Variants in MCM9 observed in about 807,000 individuals in gnomAD.
MCM9 encodes the protein DNA helicase MCM9.
MCM9 carries 55 observed loss-of-function variants against 72.8 expected under a neutral mutation model. The observed-to-expected ratio is 0.76, with a 90% CI of 0.61 to 0.95. The LOEUF (loss-of-function observed/expected upper bound fraction) is 0.95. MCM9 is among the 40% of genes least tolerant of loss of function. The pLI, the probability that MCM9 is intolerant of heterozygous loss-of-function variation, is 0.00. For missense variants in MCM9, 1,279 were observed against 1,377.0 expected, an observed-to-expected ratio of 0.93 and a Z score of 1.13; for synonymous variants, 480 against 503.4, an observed-to-expected ratio of 0.95 and a Z score of 0.62.
intron 8 of MCM9, among the ~76,000 whole-genome samples, chr6:118,895,077 G>C (rs1327664629): frequency 6.6e-6 from 1 of 152,114 alleles, no homozygotes. Context: ...TGGAGTCGCC[G>C]CACTCTCCGG....
At position 118,816,258 on chromosome 6, in the gene MCM9, C is replaced by T. The variant is rs1773401014; in HGVS notation, c.1998G>A (p.Arg666=). Residue 666 remains arginine (R), a synonymous_variant, in exon 14 of 14, where the codon CGG becomes CGA. Transcript: ENST00000619706. ...QNQSVHQSQP[R]VLEVETTPGS... The stretch of plus-strand genomic sequence containing the variant: ...CTGGAGTAGTCTCTACCTCCAATAC[C>T]CGTGGTTGGGATTGGTGCACACTCT... The T allele has an allele frequency of 6.5e-7, 1 of 1,548,692 alleles. No individual in the cohort carries two copies. The highest frequency in any genetic ancestry group is 1.4e-5 in the African/African-American group (1 of 73,102).
intron 8 of MCM9, among the ~76,000 whole-genome samples, chr6:118,907,104 TGAG>T (rs1250812472): frequency 2.0e-5 from 3 of 152,210 alleles, no homozygotes; most frequent in Admixed American, 6.5e-5. Flanking sequence ...TTTTCAAAAA[TGAG>T]GAGATTCTTT....
intron 8 of MCM9, among the ~76,000 whole-genome samples, chr6:118,858,483 A>G (rs1259007354): frequency 1.3e-5 from 2 of 152,180 alleles, no homozygotes; most frequent in African/African-American, 2.4e-5. Flanking sequence ...ATCACTGTTA[A>G]TCAAAATCAT....
intron 13 of MCM9, among the ~76,000 whole-genome samples, chr6:118,823,607 C>T (rs953933153): frequency 6.6e-6 from 1 of 152,160 alleles, no homozygotes; most frequent in Non-Finnish European, 1.5e-5. Flanking sequence ...GGATGACTTC[C>T]TAATAAGGAT....
chr6:118,853,529 T>C (rs1776361208), intron 9 of MCM9, among the ~76,000 whole-genome samples: 1 of 152,040 alleles, frequency 6.6e-6, no homozygotes, highest in East Asian at 1.9e-4. Context: ...GGGCTGGGCA[T>C]GGTGGCTCAT....
intron 8 of MCM9, among the ~76,000 whole-genome samples, chr6:118,897,008 T>C (rs1286313964): frequency 6.6e-6 from 1 of 152,098 alleles, no homozygotes; most frequent in Non-Finnish European, 1.5e-5. Context: ...TGGGCTAATT[T>C]TTTAATTTTT....
intron 13 of MCM9, among the ~76,000 whole-genome samples, chr6:118,823,146 C>G (rs1004415398): frequency 6.6e-6 from 1 of 152,080 alleles, no homozygotes; most frequent in Non-Finnish European, 1.5e-5. Flanking sequence ...CCAGGTGCCA[C>G]TGGGGTATGA....
At chr6:118,834,732 C>G (rs1774835914) in intron 9 of MCM9, among the ~76,000 whole-genome samples, 2 of 150,032 alleles carry the variant, frequency 1.3e-5, no homozygotes, top group South Asian at 4.2e-4. Flanking sequence ...TGTTTAAGTT[C>G]TTTGTAGATT....
Position 118,932,723 on chromosome 6 carries a change from T to C in MCM9, c.-132A>G, listed in dbSNP as rs538063412. On this transcript the variant is annotated 5_prime_UTR_variant, in exon 2 of 14. Coordinates refer to ENST00000619706, the MANE Select transcript of MCM9 (RefSeq NM_017696.3). ...CTCTTTCTTACCGTAGGAAATCTAC[T>C]GGGTTCTGCAGAAACAGCTGTCAAC... 1 of 557,018 alleles carries C rather than the reference T, an allele frequency of 1.8e-6. No homozygotes were observed. The highest frequency in any genetic ancestry group is 2.3e-6 in the Non-Finnish European group (1 of 438,420). The allele number at this position is 557,018 out of a possible 1,614,324, so 34.5% of individuals were successfully genotyped here. A position where few individuals can be genotyped will look rare whatever the true frequency, so the allele number is the denominator to read the frequency against.
At chr6:118,889,333 TTCTGCCAAGCGTCACTCCA>T (rs1332710560) in intron 8 of MCM9, among the ~76,000 whole-genome samples, 1 of 152,222 alleles carries the variant, frequency 6.6e-6, no homozygotes, top group Non-Finnish European at 1.5e-5. Context: ...CATGCCTAGC[TTCTGCCAAGCGTCACTCCA>T]TCTAATGTCA....
At chr6:118,921,352 A>G (rs1362697803) in intron 5 of MCM9, 1 of 152,188 alleles carries the variant, frequency 6.6e-6, no homozygotes, top group Non-Finnish European at 1.5e-5. Context: ...TCTATGTGAC[A>G]GTCTTCTAAC....
chr6:118,917,532 A>G, intron 6 of MCM9, 29 bp downstream of exon 6: 1 of 1,594,744 alleles, frequency 6.3e-7, no homozygotes, highest in Non-Finnish European at 8.6e-7. Flanking sequence ...ACCATTAATA[A>G]TAATCAGTTT....
At chr6:118,843,660 A>ATATATATATGTG (rs1554257115) in intron 9 of MCM9, among the ~76,000 whole-genome samples, 11,135 of 76,058 alleles carry the variant, frequency 0.15, 1,261 homozygotes, top group Non-Finnish European at 0.19. Flanking sequence ...ATATATGTGT[A>ATATATATATGTG]TATATATATG....
chr6:118,861,357 A>C (rs1291432025), intron 8 of MCM9, among the ~76,000 whole-genome samples: 1 of 151,740 alleles, frequency 6.6e-6, no homozygotes, highest in African/African-American at 2.4e-5. Flanking sequence ...GCAGCTCTTC[A>C]CTCCTTCTCG....
chr6:118,922,922 C>T (rs921663784), intron 4 of MCM9, among the ~76,000 whole-genome samples: 4 of 150,680 alleles, frequency 2.7e-5, no homozygotes, highest in Non-Finnish European at 5.9e-5. Context: ...ATCCCAGCTA[C>T]TCGGGAGGCT....
rs1435753756 is a variant in MCM9 at position 118,881,294 on chromosome 6, T to A, written c.1151-24749A>T. Among the ~76,000 whole-genome samples the A allele has an allele frequency of 5.9e-5, 9 of 152,186 alleles. No individual in the cohort carries two copies. In the East Asian group the frequency reaches 1.7e-3, roughly 29 times the overall value. ...GAGCCCCACCTTTTTCAATCCTGAC[T>A]CCCTCCGCATCTAGATAAGAACGTT... On this transcript the variant is annotated intron_variant, in intron 8 of 13. Coordinates refer to ENST00000619706, the MANE Select transcript of MCM9 (RefSeq NM_017696.3).
intron 5 of MCM9, chr6:118,918,031 C>T: frequency 2.2e-6 from 1 of 454,976 alleles, no homozygotes; most frequent in East Asian, 3.8e-5. Flanking sequence ...AAAATTATTA[C>T]TTTTCACTGG....
chr6:118,843,747 A>G (rs150279930), intron 9 of MCM9, among the ~76,000 whole-genome samples: 25 of 132,410 alleles, frequency 1.9e-4, no homozygotes, highest in Middle Eastern at 4.1e-3. Flanking sequence ...TATATGAGAA[A>G]TTTCATGTAG....
In MCM9 at chr6:118,826,806, C is replaced by T; in HGVS notation, c.1791G>A (p.Val597=). The T allele has an allele frequency of 6.5e-7, 1 of 1,550,312 alleles. No individual in the cohort carries two copies. The highest frequency in any genetic ancestry group is 1.4e-5 in the African/African-American group (1 of 73,158). ...TVTLEDAITV[V]SVMESSMQGG... is the part of the protein sequence containing the mutation. Reference sequence around the variant, plus strand: ...CCTGCATTGAGGACTCCATGACTGACACCACCGTAATAGCGTCTTCCAGAG... The same window carrying T: ...CCTGCATTGAGGACTCCATGACTGATACCACCGTAATAGCGTCTTCCAGAG... Residue 597 remains valine, a synonymous_variant, in exon 12 of 14, where the codon GTG becomes GTA. Coordinates refer to ENST00000619706, the MANE Select transcript of MCM9 (RefSeq NM_017696.3).
Sources: allele counts gnomAD v4.1 joint callset (sites outside exome capture counted in the v4.1 genomes callset), GRCh38; gene constraint gnomAD v4.1.1; transcripts MANE v1.5; gene names NCBI Gene and HGNC (gene_info 2026-07-23, HGNC 2026-07-21).